Variants in DPYD observed in about 807,000 individuals in gnomAD.
The protein encoded by DPYD is dihydropyrimidine dehydrogenase, also known as dihydropyrimidine dehydrogenase [NADP(+)].
A neutral mutation model predicts 116.2 loss-of-function variants in DPYD; 109 were observed. The ratio of observed to expected loss-of-function variants is 0.94; its 90% CI spans 0.80 to 1.10. DPYD has a LOEUF of 1.10. DPYD is among the 50% of genes least tolerant of loss of function. The pLI is 0.00. For missense variants in DPYD, 1,302 were observed against 1,254.5 expected (o/e 1.04, Z -0.57); for synonymous variants, 440 against 432.0 (o/e 1.02, Z -0.23).
intron 18 of DPYD, among the ~76,000 whole-genome samples, chr1:97,299,376 A>G (rs1450075351): frequency 2.6e-5 from 4 of 152,174 alleles, no homozygotes; most frequent in East Asian, 1.9e-4. Flanking sequence ...TTTGGTTTAC[A>G]AAGTCTATCA....
At chr1:97,383,746 G>T (rs1176494392) in intron 14 of DPYD, among the ~76,000 whole-genome samples, 1 of 152,042 alleles carries the variant, frequency 6.6e-6, no homozygotes, top group Non-Finnish European at 1.5e-5. Flanking sequence ...TAACGACTAG[G>T]TTTTGCTAGC....
intron 20 of DPYD, among the ~76,000 whole-genome samples, chr1:97,103,616 T>C (rs1650917050): frequency 6.6e-6 from 1 of 152,126 alleles, no homozygotes; most frequent in African/African-American, 2.4e-5. Context: ...AAAGCAGAGA[T>C]AGTTCATGTT....
chr1:97,308,975 T>C (rs530477260), intron 16 of DPYD, among the ~76,000 whole-genome samples: 1 of 151,940 alleles, frequency 6.6e-6, no homozygotes, highest in South Asian at 2.1e-4. Flanking sequence ...AAAAAATATA[T>C]GTTGTGTCAA....
intron 20 of DPYD, among the ~76,000 whole-genome samples, chr1:97,189,429 G>T (rs1160150271): frequency 1.3e-5 from 2 of 152,114 alleles, no homozygotes; most frequent in Non-Finnish European, 2.9e-5. Context: ...TAGGAGTCCT[G>T]TTCTCATCCC....
intron 16 of DPYD, among the ~76,000 whole-genome samples, chr1:97,370,720 A>T (rs1187472408): frequency 6.6e-6 from 1 of 152,220 alleles, no homozygotes; most frequent in Admixed American, 6.5e-5. Context: ...ATTAAAGCTT[A>T]AAGGAGATTT....
chr1:97,635,457 G>A (rs1290022548), intron 8 of DPYD, among the ~76,000 whole-genome samples: 1 of 152,166 alleles, frequency 6.6e-6, no homozygotes, highest in South Asian at 2.1e-4. Context: ...TCCGCCATGG[G>A]ATTATGTGTT....
At chr1:97,811,792 T>A (rs1189265602) in intron 3 of DPYD, among the ~76,000 whole-genome samples, 1 of 152,158 alleles carries the variant, frequency 6.6e-6, no homozygotes, top group Non-Finnish European at 1.5e-5. Flanking sequence ...GATAGTGCAC[T>A]GTAACTCTTA....
Position 97,629,554 on chromosome 1 carries a change from A to C in DPYD, c.851-34388T>G, listed in dbSNP as rs995646756. Among the ~76,000 whole-genome samples the C allele has an allele frequency of 2.0e-5, 3 of 152,090 alleles. No individual in the cohort carries two copies. The South Asian group carries it at 6.2e-4, about 32-fold the overall frequency. On this transcript the variant is annotated intron_variant, in intron 8 of 22. Transcript: ENST00000370192. Reference sequence around the variant, plus strand: ...CTCTTTTGCCCCCTTACTTAGTTAGATATAGCCATATTTTATCAGAATACA... The same window carrying C: ...CTCTTTTGCCCCCTTACTTAGTTAGCTATAGCCATATTTTATCAGAATACA...
chr1:97,271,682 A>G (rs1178814897), intron 18 of DPYD, among the ~76,000 whole-genome samples: 2 of 152,250 alleles, frequency 1.3e-5, no homozygotes, highest in African/African-American at 4.8e-5. Context: ...GCATAAATAT[A>G]TAGATCATTT....
chr1:97,095,945 C>T (rs1480854291), intron 21 of DPYD: 1 of 152,118 alleles, frequency 6.6e-6, no homozygotes, highest in Non-Finnish European at 1.5e-5. Flanking sequence ...TCTACCACAG[C>T]TGCCCATTAA....
intron 14 of DPYD, among the ~76,000 whole-genome samples, chr1:97,392,348 CT>C (rs1049119142): frequency 6.6e-6 from 1 of 151,750 alleles, no homozygotes; most frequent in Non-Finnish European, 1.5e-5. Flanking sequence ...CTTTCTCACT[CT>C]TTTTTTTCCT....
intron 13 of DPYD, among the ~76,000 whole-genome samples, chr1:97,497,331 C>T (rs1034972692): frequency 2.6e-5 from 4 of 151,836 alleles, no homozygotes; most frequent in Non-Finnish European, 4.4e-5. Flanking sequence ...TTTCTTCCAA[C>T]GGCAAAGAAC....
At chr1:97,737,793 A>G (rs1001000425) in intron 4 of DPYD, among the ~76,000 whole-genome samples, 1 of 152,164 alleles carries the variant, frequency 6.6e-6, no homozygotes, top group Non-Finnish European at 1.5e-5. Context: ...ATACATGCAT[A>G]CACACAAACA....
chr1:97,478,638 T>C (rs1182151723), intron 13 of DPYD, among the ~76,000 whole-genome samples: 2 of 152,224 alleles, frequency 1.3e-5, no homozygotes, highest in African/African-American at 4.8e-5. Context: ...TACATGAGCA[T>C]TGGCTTCAAC....
At chr1:97,552,269 C>T (rs1212526198) in intron 11 of DPYD, among the ~76,000 whole-genome samples, 1 of 152,078 alleles carries the variant, frequency 6.6e-6, no homozygotes, top group Non-Finnish European at 1.5e-5. Flanking sequence ...GTGAATTGTA[C>T]ACAGGAGGTG....
chr1:97,169,342 C>T (rs139642985), intron 20 of DPYD, among the ~76,000 whole-genome samples: 1 of 152,088 alleles, frequency 6.6e-6, no homozygotes, highest in Non-Finnish European at 1.5e-5. Flanking sequence ...ATCAGTAATC[C>T]ATAATGTATT....
intron 3 of DPYD, among the ~76,000 whole-genome samples, chr1:97,798,894 A>T (rs1667716796): frequency 6.6e-6 from 1 of 152,018 alleles, no homozygotes; most frequent in African/African-American, 2.4e-5. Context: ...TATTGAAAAA[A>T]GAATAGGCAT....
intron 8 of DPYD, among the ~76,000 whole-genome samples, chr1:97,596,524 A>G (rs1362788717): frequency 6.6e-6 from 1 of 152,188 alleles, no homozygotes; most frequent in Non-Finnish European, 1.5e-5. Context: ...TCTCAATTCC[A>G]TAAATGCAGG....
intron 3 of DPYD, among the ~76,000 whole-genome samples, chr1:97,825,077 A>G (rs1412375983): frequency 6.6e-6 from 1 of 152,090 alleles, no homozygotes; most frequent in Non-Finnish European, 1.5e-5. Context: ...TAATGTATTT[A>G]TTTAACGTTT....
Sources: gnomAD v4.1 joint callset for allele counts (sites outside exome capture counted in the v4.1 genomes callset) on GRCh38, gnomAD v4.1.1 for gene constraint, MANE v1.5 for transcripts, NCBI Gene and HGNC (gene_info 2026-07-23, HGNC 2026-07-21) for gene names.